Variants in LRP1B observed in about 807,000 individuals in gnomAD.
LRP1B encodes low-density lipoprotein receptor-related protein 1B.
LRP1B carries 217 observed loss-of-function variants against 556.6 expected under a neutral mutation model. That is an observed-to-expected ratio of 0.39 (90% CI 0.35 to 0.44). The LOEUF is 0.44. LRP1B is among the 20% of genes least tolerant of loss of function. The probability of loss-of-function intolerance (pLI) is 1.00; values close to 1 mark genes in which losing one functional copy is unlikely to be tolerated. For synonymous variants in LRP1B, 2,047 were observed against 1,865.8 expected (o/e 1.10, Z -2.50); for missense variants, 5,053 against 5,620.8 (o/e 0.90, Z 3.23).
intron 7 of LRP1B, among the ~76,000 whole-genome samples, chr2:141,112,598 A>T (rs1395321242): frequency 6.6e-6 from 1 of 152,230 alleles, no homozygotes; most frequent in Non-Finnish European, 1.5e-5. Flanking sequence ...ATATTTAAAC[A>T]ATTTATAATA....
intron 66 of LRP1B, among the ~76,000 whole-genome samples, chr2:140,422,063 G>A (rs1490883067): frequency 1.3e-5 from 2 of 152,128 alleles, no homozygotes; most frequent in Non-Finnish European, 2.9e-5. Context: ...AAGGTAGTAC[G>A]GACACAAAAA....
At chr2:140,488,333 C>A (rs771108920) in intron 57 of LRP1B, among the ~76,000 whole-genome samples, 25 of 152,154 alleles carry the variant, frequency 1.6e-4, no homozygotes, top group Non-Finnish European at 3.2e-4. Flanking sequence ...AAGTTACAAC[C>A]TTGGGTGAGT....
intron 7 of LRP1B, among the ~76,000 whole-genome samples, chr2:141,097,179 CA>C (rs1700344320): frequency 6.6e-6 from 1 of 152,102 alleles, no homozygotes; most frequent in South Asian, 2.1e-4. Context: ...CAGAGTTAAT[CA>C]TTGAATTCTG....
rs1396528340 is a variant in LRP1B at position 141,463,581 on chromosome 2, ATTATATATAATATATAT to A, written c.343+16798_343+16814del. On this transcript the variant is annotated intron_variant, in intron 3 of 90. Coordinates refer to ENST00000389484, the MANE Select transcript of LRP1B (RefSeq NM_018557.3). ...TAATATATATTATATATTATATATA[ATTATATATAATATATAT>A]TATATATTATATATAATTATGTATT... 7.4e-3 allele frequency among the ~76,000 whole-genome samples: 373 copies of A among 50,466 alleles called. 10 individuals are homozygous for A. The highest frequency in any genetic ancestry group is 0.051 in the Admixed American group (210 of 4,082). 33.1% of individuals were successfully genotyped at this position (50,466 alleles called of 152,430 possible).
At chr2:141,927,490 T>C (rs1393308017) in intron 1 of LRP1B, among the ~76,000 whole-genome samples, 5 of 152,196 alleles carry the variant, frequency 3.3e-5, no homozygotes, top group Admixed American at 6.6e-5. Context: ...TTTCTTATTA[T>C]ATGGTAGACA....
intron 3 of LRP1B, among the ~76,000 whole-genome samples, chr2:141,307,225 A>C (rs1191589217): frequency 6.6e-6 from 1 of 151,894 alleles, no homozygotes; most frequent in Non-Finnish European, 1.5e-5. Context: ...CCCAAATATT[A>C]TTGTACTGGA....
intron 31 of LRP1B, among the ~76,000 whole-genome samples, chr2:140,817,386 C>T (rs146796077): frequency 2.0e-5 from 3 of 151,864 alleles, no homozygotes; most frequent in African/African-American, 7.2e-5. Flanking sequence ...TATCTTTTTA[C>T]TTATCTTTTC....
chr2:140,660,384 T>G (rs186430292), intron 41 of LRP1B, among the ~76,000 whole-genome samples: 1 of 152,298 alleles, frequency 6.6e-6, no homozygotes, highest in African/African-American at 2.4e-5. Flanking sequence ...TCTTGTATTT[T>G]TGTGATTCCT....
chr2:140,432,626 T>C (rs188823985), intron 66 of LRP1B, among the ~76,000 whole-genome samples: 19 of 152,346 alleles, frequency 1.2e-4, no homozygotes, highest in African/African-American at 4.3e-4. Context: ...GTAGAACTCA[T>C]TATAGGACTG....
At chr2:141,635,554 T>G (rs1689083025) in intron 2 of LRP1B, among the ~76,000 whole-genome samples, 1 of 152,166 alleles carries the variant, frequency 6.6e-6, no homozygotes, top group Non-Finnish European at 1.5e-5. Flanking sequence ...TATAAATATG[T>G]ATGTGGAAGA....
At chr2:142,035,823 C>T (rs1202056866) in intron 1 of LRP1B, among the ~76,000 whole-genome samples, 1 of 151,680 alleles carries the variant, frequency 6.6e-6, no homozygotes, top group Non-Finnish European at 1.5e-5. Context: ...TGAATTGTAT[C>T]TCCCAGAATT....
intron 20 of LRP1B, among the ~76,000 whole-genome samples, chr2:140,942,180 G>A (rs1350411696): frequency 6.6e-6 from 1 of 152,112 alleles, no homozygotes; most frequent in Non-Finnish European, 1.5e-5. Flanking sequence ...AGACCAAGAA[G>A]AGGAAAGAAT....
intron 2 of LRP1B, among the ~76,000 whole-genome samples, chr2:141,687,925 C>T (rs1056596967): frequency 1.6e-5 from 2 of 126,574 alleles, no homozygotes; most frequent in African/African-American, 6.1e-5. Flanking sequence ...CTGGTTTGGG[C>T]AAGTTCTCTA....
In LRP1B at chr2:140,238,173, G is replaced by A. The variant is rs202187054; in HGVS notation, c.13539C>T (p.Gly4513=). 1.1e-5 allele frequency: 17 copies of A among 1,603,334 alleles called. No individual in the cohort carries two copies. Among genetic ancestry groups the A allele is most frequent in the Non-Finnish European group, 1.4e-5 (16 of 1,173,610 alleles). ...CTACCTTTGTTGGGTCTATCATAAA[G>A]CCAGGATCTAAAAGACCTCCATCGT... ...DHNDGGLLDP[G]FMIDPTKARY... is the part of the protein sequence containing the mutation. Residue 4513 remains glycine (G), a synonymous_variant, in exon 89 of 91, where the codon GGC becomes GGT. Transcript: ENST00000389484.
intron 7 of LRP1B, among the ~76,000 whole-genome samples, chr2:141,112,358 T>A: frequency 6.6e-6 from 1 of 152,162 alleles, no homozygotes. Flanking sequence ...TTTCACAGTC[T>A]TTTAATACCA....
At chr2:141,418,432 A>ATTTT (rs373970330) in intron 3 of LRP1B, among the ~76,000 whole-genome samples, 41,933 of 140,582 alleles carry the variant, frequency 0.3, 6,567 homozygotes, top group Non-Finnish European at 0.34. Context: ...AGAGCACAAT[A>ATTTT]TTTTTTTTTT....
intron 2 of LRP1B, among the ~76,000 whole-genome samples, chr2:141,544,392 TCCTCCTCCTCC>T (rs2105218446): frequency 1.6e-5 from 2 of 123,888 alleles, no homozygotes; most frequent in East Asian, 2.4e-4. Context: ...CTCCTCCTCC[TCCTCCTCCTCC>T]TCCTCCTCCT....
intron 2 of LRP1B, among the ~76,000 whole-genome samples, chr2:141,489,603 T>C (rs902449189): frequency 2.6e-5 from 4 of 151,996 alleles, no homozygotes; most frequent in African/African-American, 9.7e-5. Context: ...TCGAATCACA[T>C]AATATCTTTA....
At chr2:141,158,107 T>G (rs1210040939) in intron 7 of LRP1B, among the ~76,000 whole-genome samples, 2 of 152,152 alleles carry the variant, frequency 1.3e-5, no homozygotes, top group Non-Finnish European at 2.9e-5. Context: ...TAGGAAGGAT[T>G]GCAGTTTGAA....
Sources: allele counts gnomAD v4.1 joint callset (sites outside exome capture counted in the v4.1 genomes callset), GRCh38; gene constraint gnomAD v4.1.1; transcripts MANE v1.5; gene names NCBI Gene and HGNC (gene_info 2026-07-23, HGNC 2026-07-21).